SCN1A: variants seen among roughly 807,000 people sequenced by gnomAD.
The protein encoded by SCN1A is sodium voltage-gated channel alpha subunit 1, also known as sodium channel protein type 1 subunit alpha.
In SCN1A, 13 loss-of-function variants were observed where a neutral mutation model predicts 193.7. The ratio of observed to expected loss-of-function variants is 0.07; its 90% CI spans 0.04 to 0.11. SCN1A has a LOEUF of 0.11. SCN1A is among the 10% of genes least tolerant of loss of function. SCN1A has a pLI of 1.00. For missense variants in SCN1A, 1,432 were observed against 2,451.1 expected (o/e 0.58, Z 8.78); for synonymous variants, 781 against 843.6 (o/e 0.93, Z 1.29).
upstream of SCN1A, among the ~76,000 whole-genome samples, chr2:166,129,331 GA>G (rs1691543159): frequency 1.3e-5 from 2 of 152,088 alleles, no homozygotes; most frequent in Admixed American, 1.3e-4. Context: ...TAGAATCACA[GA>G]AAAGTAATTT....
At chr2:166,142,763 A>C (rs1692140425) in intron 1 of SCN1A, among the ~76,000 whole-genome samples, 1 of 152,196 alleles carries the variant, frequency 6.6e-6, no homozygotes, top group African/African-American at 2.4e-5. Context: ...GAATTATAAT[A>C]ATCCCCATGT....
intron 23 of SCN1A, among the ~76,000 whole-genome samples, chr2:166,005,487 TTCAG>T (rs1691534233): frequency 6.6e-6 from 1 of 151,338 alleles, no homozygotes; most frequent in Admixed American, 6.6e-5. Context: ...AGCAGTGCAC[TTCAG>T]GATATGATTT....
At chr2:166,090,814 C>T (rs1211055116) in intron 2 of SCN1A, among the ~76,000 whole-genome samples, 1 of 152,144 alleles carries the variant, frequency 6.6e-6, no homozygotes, top group Non-Finnish European at 1.5e-5. Context: ...ATTCTAAGTA[C>T]TAAAGTCTAA....
intron 2 of SCN1A, among the ~76,000 whole-genome samples, chr2:166,113,327 A>G (rs762707684): frequency 3.3e-5 from 5 of 152,134 alleles, no homozygotes; most frequent in Non-Finnish European, 7.4e-5. Context: ...TTAAGAGTAG[A>G]TATCTTGGCA....
At chr2:166,040,835 GT>G (rs1697077645) in intron 16 of SCN1A, among the ~76,000 whole-genome samples, 2 of 152,200 alleles carry the variant, frequency 1.3e-5, no homozygotes, top group Non-Finnish European at 1.5e-5. Flanking sequence ...ACATTTTTGA[GT>G]TGTTAAATTA....
At chr2:166,130,511 G>C (rs1172196323), upstream of SCN1A, among the ~76,000 whole-genome samples, 3 of 152,218 alleles carry the variant, frequency 2.0e-5, no homozygotes, top group East Asian at 5.8e-4. Flanking sequence ...AGCAAATTCG[G>C]CGGATATTTT....
chr2:165,992,556 T>C lies in SCN1A; in HGVS notation c.4853-134A>G. 1 of 581,552 alleles carries C rather than the reference T, an allele frequency of 1.7e-6. No individual in the cohort carries two copies. Among genetic ancestry groups the C allele is most frequent in the Non-Finnish European group, 2.8e-6 (1 of 352,034 alleles). The allele number at this position is 581,552 out of a possible 1,614,324, so 36.0% of individuals were successfully genotyped here. A position where few individuals can be genotyped will look rare whatever the true frequency, so the allele number is the denominator to read the frequency against. ...TATTAAATATGACAACTATATATAA[T>C]ATATATATAATTGTACATAATATAT... is the stretch of plus-strand genomic sequence containing the variant. On this transcript the variant is annotated intron_variant, in intron 28 of 28. Transcript: ENST00000674923. This position sits in a 1 kb window ranked among gnomAD's most constrained non-coding sequence, Gnocchi z 6.5.
intron 8 of SCN1A, 79 bp from the exon 9 acceptor site, chr2:166,052,067 A>T (rs934809808): frequency 1.5e-6 from 2 of 1,332,092 alleles, no homozygotes; most frequent in Non-Finnish European, 2.1e-6. Flanking sequence ...TCTTGAAAAC[A>T]TAGATTTCAT....
At chr2:166,069,143 C>T (rs1440954393) in intron 4 of SCN1A, among the ~76,000 whole-genome samples, 1 of 152,094 alleles carries the variant, frequency 6.6e-6, no homozygotes, top group Non-Finnish European at 1.5e-5. Flanking sequence ...AATAAACAAA[C>T]AAAGGGAAAC....
At chr2:166,146,924 A>G (rs1692344725) in intron 1 of SCN1A, among the ~76,000 whole-genome samples, 1 of 152,248 alleles carries the variant, frequency 6.6e-6, no homozygotes, top group South Asian at 2.1e-4. Flanking sequence ...AAAGATGAAC[A>G]TAGAAAATTT....
rs1696634296 is a variant in SCN1A, at chr2:166,037,914, G to A, written c.2808C>T (p.Asp936=). ...ACACAATCAGGAAGGAGTGGAAGAA[G>A]TCATTCATGTGCCAGCGTGGGAGTT... The part of the protein sequence containing the change: ...DCQLPRWHMN[D]FFHSFLIVFR... The change falls in exon 18 of 29, where the codon GAC becomes GAT. Residue 936 remains aspartate (D), a synonymous_variant. Coordinates refer to ENST00000674923, the MANE Select transcript of SCN1A (RefSeq NM_001165963.4). The A allele has an allele frequency of 6.2e-7, 1 of 1,614,080 alleles. No homozygotes were observed. Among genetic ancestry groups the A allele is most frequent in the Non-Finnish European group, 8.5e-7 (1 of 1,180,050 alleles).
At chr2:166,089,964 C>T (rs748353062) in intron 2 of SCN1A, among the ~76,000 whole-genome samples, 11 of 150,692 alleles carry the variant, frequency 7.3e-5, no homozygotes, top group Non-Finnish European at 1.0e-4. Context: ...TTTATCACTT[C>T]GCTTTAACTC....
chr2:166,090,751 C>T (rs976631509), intron 2 of SCN1A, among the ~76,000 whole-genome samples: 1 of 152,164 alleles, frequency 6.6e-6, no homozygotes, highest in African/African-American at 2.4e-5. Context: ...AAATTTTCAG[C>T]TAATGAATAA....
At chr2:166,061,459 AATT>A (rs1683297503) in intron 4 of SCN1A, among the ~76,000 whole-genome samples, 1 of 152,160 alleles carries the variant, frequency 6.6e-6, no homozygotes, top group Non-Finnish European at 1.5e-5. Flanking sequence ...AAGGACACAA[AATT>A]ACAACTAGAT....
At chr2:166,012,428 G>A (rs115294408) in intron 21 of SCN1A, 146 bp from the exon 22 acceptor site, 1 of 634,376 alleles carries the variant, frequency 1.6e-6, no homozygotes, top group Non-Finnish European at 2.7e-6. Flanking sequence ...TTTTTTCCTC[G>A]CAAAGGTCTT....
chr2:166,001,418 T>G (rs1476716315), intron 24 of SCN1A, among the ~76,000 whole-genome samples: 1 of 151,826 alleles, frequency 6.6e-6, no homozygotes, highest in Non-Finnish European at 1.5e-5. Flanking sequence ...TAATCATAGT[T>G]GACACCTCTG....
chr2:166,012,170 G>C lies in SCN1A; in HGVS notation c.3818C>G (p.Ala1273Gly). 1.2e-6 allele frequency: 2 copies of C among 1,610,438 alleles called. No individual in the cohort carries two copies. Among genetic ancestry groups the C allele is most frequent in the Non-Finnish European group, 1.7e-6 (2 of 1,177,458 alleles). ...GGTGAAATATGTTTGATAGCCATATGCCACCCATTTTAGAAGCATTTCCAG... is the reference window on the plus strand; with the variant it reads ...GGTGAAATATGTTTGATAGCCATATCCCACCCATTTTAGAAGCATTTCCAG... ...FILEMLLKWV[A>G]YGYQTYFTNA... Residue 1273 changes from alanine to glycine, a missense_variant, in exon 22 of 29, where the codon GCA (alanine) becomes GGA (glycine). Around this residue, in one of 18 missense-constraint regions of SCN1A, gnomAD observed 107 missense variants for 259.4 expected, o/e 0.41. Transcript: ENST00000674923.
chr2:166,051,788 T>C lies in SCN1A; in HGVS notation c.895A>G (p.Asn299Asp), dbSNP rs1262121352. 1.9e-6 allele frequency: 3 copies of C among 1,610,548 alleles called. No homozygotes were observed. Among genetic ancestry groups the C allele is most frequent in the Non-Finnish European group, 8.5e-7 (1 of 1,177,284 alleles). The change falls in exon 9 of 29, where the codon AAT becomes GAT. Residue 299 changes from asparagine to aspartate, a missense_variant. Asn to Asp is a conservative substitution (Grantham distance 23, BLOSUM62 1). Coordinates refer to ENST00000674923, the MANE Select transcript of SCN1A (RefSeq NM_001165963.4). ...TCATTTATAAGTGTACCATTATAAT[T>C]CACAGTTATATTCTTTTCTATACTA... ...EHSIEKNITVNYNGTLINETV... is the reference protein window; with the variant it reads ...EHSIEKNITVDYNGTLINETV...
chr2:166,120,031 TTTG>T lies in SCN1A; in HGVS notation c.-142+6890_-142+6892del, dbSNP rs375042583. ...AAAATAAATTATTAACAATAATAAT[TTTG>T]TTGTGTAAAATTGTGAGTTATTTCA... On this transcript the variant is annotated intron_variant, in intron 2 of 28. Transcript: ENST00000674923. Among the ~76,000 whole-genome samples the T allele has an allele frequency of 1.4e-4, 21 of 152,018 alleles. No homozygotes were observed. In the East Asian group the frequency reaches 3.5e-3, roughly 25 times the overall value.
Sources: allele counts gnomAD v4.1 joint callset (sites outside exome capture counted in the v4.1 genomes callset), GRCh38; gene constraint gnomAD v4.1.1; regional missense constraint gnomAD v4.1.1; non-coding constraint Gnocchi (gnomAD v3.1); transcripts MANE v1.5; gene names NCBI Gene and HGNC (gene_info 2026-07-23, HGNC 2026-07-21).